Variants in TRDN observed in about 807,000 individuals in gnomAD.
The protein encoded by TRDN is triadin.
A neutral mutation model predicts 149.7 loss-of-function variants in TRDN; 161 were observed. The observed-to-expected ratio is 1.08, with a 90% CI of 0.95 to 1.23. The LOEUF (loss-of-function observed/expected upper bound fraction) is 1.23. TRDN is among the 50% of genes most tolerant of loss of function. The pLI is 0.00. For synonymous variants in TRDN, 294 were observed against 250.5 expected, an observed-to-expected ratio of 1.17 and a Z score of -1.64; for missense variants, 896 against 823.5, an observed-to-expected ratio of 1.09 and a Z score of -1.08.
chr6:123,293,697 CTG>C (rs1778090295), intron 24 of TRDN, among the ~76,000 whole-genome samples: 2 of 152,140 alleles, frequency 1.3e-5, no homozygotes, highest in Admixed American at 1.3e-4. Context: ...TGTGCCCCCT[CTG>C]GGCTCATTTT....
At chr6:123,308,495 T>C (rs181619650) in intron 24 of TRDN, among the ~76,000 whole-genome samples, 171 of 152,140 alleles carry the variant, frequency 1.1e-3, no homozygotes, top group Non-Finnish European at 2.1e-3. Context: ...TATATAAGTA[T>C]TCCTTTTTCT....
intron 38 of TRDN, among the ~76,000 whole-genome samples, chr6:123,224,623 A>C (rs1428828713): frequency 6.6e-6 from 1 of 151,778 alleles, no homozygotes; most frequent in Admixed American, 6.6e-5. Flanking sequence ...GAGTCAACTA[A>C]TCTTTGAAAA....
intron 14 of TRDN, among the ~76,000 whole-genome samples, chr6:123,383,314 T>C (rs944576939): frequency 2.6e-5 from 4 of 152,094 alleles, no homozygotes; most frequent in African/African-American, 9.6e-5. Context: ...AATGTCCCAC[T>C]TCCGTAGATG....
At position 123,464,930 on chromosome 6, in the gene TRDN, T is replaced by G; in HGVS notation, c.907A>C (p.Thr303Pro). 6.3e-7 allele frequency: 1 copy of G among 1,593,960 alleles called. No individual in the cohort carries two copies. Among genetic ancestry groups the G allele is most frequent in the Non-Finnish European group, 8.5e-7 (1 of 1,170,080 alleles). ...CCTTCAAGGGCAGGTGATGCCGGAG[T>G]GGGTCTGGAAGCTTGTTCTGTCGGT... ...PLPTEQASRP[T>P]PASPALEEKE... Residue 303 changes from threonine to proline, a missense_variant, in exon 10 of 41, where the codon ACT becomes CCT. Physicochemically the swap from Thr to Pro is conservative, Grantham distance 38. Coordinates refer to ENST00000334268, the MANE Select transcript of TRDN (RefSeq NM_006073.4).
chr6:123,425,131 A>T (rs1323632681), intron 12 of TRDN, among the ~76,000 whole-genome samples: 1 of 151,966 alleles, frequency 6.6e-6, no homozygotes, highest in Non-Finnish European at 1.5e-5. Context: ...GAAATAATGG[A>T]GTCAGCAGTG....
chr6:123,557,632 C>T (rs949123811), intron 2 of TRDN, among the ~76,000 whole-genome samples: 8 of 152,078 alleles, frequency 5.3e-5, no homozygotes, highest in South Asian at 2.1e-4. Context: ...TTTAATCACG[C>T]GGGGACAACT....
intron 20 of TRDN, among the ~76,000 whole-genome samples, chr6:123,354,938 C>A (rs1780603295): frequency 6.6e-6 from 1 of 151,622 alleles, no homozygotes; most frequent in African/African-American, 2.4e-5. Context: ...TTTTAAATTG[C>A]ACAAATCCTA....
chr6:123,273,383 T>G lies in TRDN; in HGVS notation c.1598-20A>C. 1 of 944,072 alleles carries G rather than the reference T, an allele frequency of 1.1e-6. No homozygotes were observed. The highest frequency in any genetic ancestry group is 1.4e-6 in the Non-Finnish European group (1 of 695,162). 58.5% of individuals were successfully genotyped at this position (944,072 alleles called of 1,614,324 possible). A position where few individuals can be genotyped will look rare whatever the true frequency, so the allele number is the denominator to read the frequency against. ...ATATAGCTAAAATAAATAAATAACA[T>G]ATTAGATTAAATTACCTGCAAAATG... On this transcript the variant is annotated intron_variant, in intron 27 of 40. Transcript: ENST00000334268.
At chr6:123,540,202 C>G (rs1190950923) in intron 4 of TRDN, among the ~76,000 whole-genome samples, 2 of 152,180 alleles carry the variant, frequency 1.3e-5, no homozygotes, top group Non-Finnish European at 2.9e-5. Context: ...TTGGCTCCAA[C>G]AGGGATATGC....
chr6:123,390,727 TCTAATCTACTTAA>T (rs1782076243), intron 13 of TRDN, among the ~76,000 whole-genome samples: 1 of 152,164 alleles, frequency 6.6e-6, no homozygotes, highest in Non-Finnish European at 1.5e-5. Flanking sequence ...CTTGCCTGGT[TCTAATCTACTTAA>T]CTCTGTTATG....
At chr6:123,562,660 A>C (rs1369483246) in intron 2 of TRDN, among the ~76,000 whole-genome samples, 1 of 152,242 alleles carries the variant, frequency 6.6e-6, no homozygotes, top group Non-Finnish European at 1.5e-5. Context: ...GACACATGCA[A>C]AAAATAAAAT....
At position 123,464,629 on chromosome 6, in the gene TRDN, C is replaced by T. The variant is rs1364355221; in HGVS notation, c.931+277G>A. The T allele has an allele frequency of 7.7e-6, 9 of 1,164,888 alleles. No homozygotes were observed. In the Admixed American group the frequency reaches 3.5e-4, roughly 45 times the overall value. The allele number at this position is 1,164,888 out of a possible 1,614,324, so 72.2% of individuals were successfully genotyped here. A position where few individuals can be genotyped will look rare whatever the true frequency, so the allele number is the denominator to read the frequency against. On this transcript the variant is annotated intron_variant, in intron 10 of 40. Coordinates refer to ENST00000334268, the MANE Select transcript of TRDN (RefSeq NM_006073.4). Reference sequence around the variant, plus strand: ...CCAGAGTTGCAAGGCATAGCCTTATCTATTTGTCCCTATATTTTTTTGCTT... The same window carrying T: ...CCAGAGTTGCAAGGCATAGCCTTATTTATTTGTCCCTATATTTTTTTGCTT...
intron 24 of TRDN, among the ~76,000 whole-genome samples, chr6:123,292,670 C>T (rs1778050877): frequency 6.6e-6 from 1 of 152,058 alleles, no homozygotes; most frequent in South Asian, 2.1e-4. Context: ...CATTGAGTAC[C>T]CCCTCTGCTG....
intron 9 of TRDN, among the ~76,000 whole-genome samples, chr6:123,481,031 G>A (rs1032479808): frequency 6.6e-6 from 1 of 152,028 alleles, no homozygotes; most frequent in East Asian, 1.9e-4. Flanking sequence ...ATCTCAATTT[G>A]TTGTCACTCT....
intron 1 of TRDN, among the ~76,000 whole-genome samples, chr6:123,583,071 C>T (rs901963255): frequency 1.3e-5 from 2 of 152,138 alleles, no homozygotes; most frequent in African/African-American, 2.4e-5. Flanking sequence ...TGGGATGACT[C>T]AGGACATCTG....
intron 40 of TRDN, among the ~76,000 whole-genome samples, chr6:123,220,446 A>C (rs201391660): frequency 6.6e-6 from 1 of 151,882 alleles, no homozygotes; most frequent in East Asian, 1.9e-4. Flanking sequence ...GTTGCTATAT[A>C]AAATGAAAAT....
intron 9 of TRDN, among the ~76,000 whole-genome samples, chr6:123,483,292 C>T (rs1042423225): frequency 1.3e-5 from 2 of 151,310 alleles, no homozygotes; most frequent in Non-Finnish European, 2.9e-5. Flanking sequence ...TTAGTAGAGA[C>T]GGGGTTTCAC....
intron 24 of TRDN, among the ~76,000 whole-genome samples, chr6:123,313,193 C>G (rs898532364): frequency 1.3e-5 from 2 of 151,916 alleles, no homozygotes; most frequent in African/African-American, 2.4e-5. Flanking sequence ...CAATGTTTTA[C>G]CATAATTTTT....
At chr6:123,499,982 G>C (rs1461101240) in intron 8 of TRDN, among the ~76,000 whole-genome samples, 1 of 151,286 alleles carries the variant, frequency 6.6e-6, no homozygotes, top group African/African-American at 2.4e-5. Flanking sequence ...TACCTGCAGG[G>C]AATCCTGAAA....
Sources: gnomAD v4.1 joint callset for allele counts (sites outside exome capture counted in the v4.1 genomes callset) on GRCh38, gnomAD v4.1.1 for gene constraint, MANE v1.5 for transcripts, NCBI Gene and HGNC (gene_info 2026-07-23, HGNC 2026-07-21) for gene names.